The following MUC21 variants were observed in gnomAD, a reference collection of about 807,000 sequenced individuals.
MUC21 encodes mucin-21.
In MUC21, 8 loss-of-function variants were observed where a neutral mutation model predicts 9.1. The ratio of observed to expected loss-of-function variants is 0.88; its 90% CI spans 0.52 to 1.59. The LOEUF is 1.59. Ranked by LOEUF, MUC21 falls within the 40% of genes most tolerant of loss-of-function variation. The probability of loss-of-function intolerance (pLI) is 0.00; values close to 1 mark genes in which losing one functional copy is unlikely to be tolerated. For synonymous variants in MUC21, 189 were observed against 275.2 expected (o/e 0.69, Z 3.10); for missense variants, 478 against 694.2 (o/e 0.69, Z 3.50).
At position 30,983,877 on chromosome 6, in the gene MUC21, C is replaced by A; in HGVS notation, c.-82C>A. On this transcript the variant is annotated 5_prime_UTR_variant, in exon 1 of 3. Coordinates refer to ENST00000376296, the MANE Select transcript of MUC21 (RefSeq NM_001010909.5). Reference sequence around the variant, plus strand: ...CTCTTCACCTTCAAGTCCCCTTTCTCAAGAATCCTCTGTTCTTTGCCCTCT... The same window carrying A: ...CTCTTCACCTTCAAGTCCCCTTTCTAAAGAATCCTCTGTTCTTTGCCCTCT... 2 of 717,624 alleles carry A rather than the reference C, an allele frequency of 2.8e-6. No individual in the cohort carries two copies. The highest frequency in any genetic ancestry group is 5.1e-6 in the Non-Finnish European group (2 of 389,520). 44.5% of individuals were successfully genotyped at this position (717,624 alleles called of 1,614,324 possible).
rs1370840926 is a variant in MUC21 at position 30,989,808 on chromosome 6, T to C, written c.*1614T>C. 6.6e-6 allele frequency: 1 copy of C among 152,254 alleles called. No homozygotes were observed. The highest frequency in any genetic ancestry group is 1.5e-5 in the Non-Finnish European group (1 of 68,056). 9.4% of individuals were successfully genotyped at this position (152,254 alleles called of 1,614,324 possible). On this transcript the variant is annotated 3_prime_UTR_variant, in exon 3 of 3. Coordinates refer to ENST00000376296, the MANE Select transcript of MUC21 (RefSeq NM_001010909.5). ...CTAAAAGCTTACTCTAGAAAGGATA[T>C]TTTTTGGAGAGGGAGTGTGGGAATC...
intron 1 of MUC21, among the ~76,000 whole-genome samples, chr6:30,985,822 C>T (rs1272136314): frequency 6.6e-6 from 1 of 152,096 alleles, no homozygotes; most frequent in African/African-American, 2.4e-5. Flanking sequence ...CTCTTGGCAC[C>T]CAGGCTGGAG....
chr6:30,986,168 A>T, intron 1 of MUC21, 69 bp from the exon 2 acceptor site: 1 of 1,328,100 alleles, frequency 7.5e-7, no homozygotes, highest in Non-Finnish European at 1.0e-6. Flanking sequence ...TTATGTAATG[A>T]ATTTAGCCAA....
rs145395678 is a variant in MUC21 at position 30,983,947 on chromosome 6, A to G, written c.-12A>G. The G allele has an allele frequency of 2.5e-4, 192 of 779,588 alleles. No homozygotes were observed. Among genetic ancestry groups the G allele is most frequent in the Non-Finnish European group, 3.4e-4 (141 of 417,998 alleles). 48.3% of individuals were successfully genotyped at this position (779,588 alleles called of 1,614,324 possible). A position where few individuals can be genotyped will look rare whatever the true frequency, so the allele number is the denominator to read the frequency against. On this transcript the variant is annotated 5_prime_UTR_variant, in exon 1 of 3. Coordinates refer to ENST00000376296, the MANE Select transcript of MUC21 (RefSeq NM_001010909.5). ...GACCCAGGCATCTTGCTTTCCAGCC[A>G]CAAAGAGACAGATGAAGATGCAGAA...
At position 30,987,668 on chromosome 6, in the gene MUC21, T is replaced by C; in HGVS notation, c.1493T>C (p.Leu498Pro). The change falls in exon 2 of 3, where the codon CTC becomes CCC. Residue 498 changes from leucine to proline, a missense_variant. Leu to Pro is a moderately conservative substitution (Grantham distance 98). Transcript: ENST00000376296. ...VVAAVGLFAG[L>P]FFCVRNSLSL... ...GCGGCCGTGGGGCTCTTTGCTGGGC[T>C]CTTCTTCTGTGTGGTGAGTGCCTAA... is the stretch of plus-strand genomic sequence containing the variant. 4.3e-6 allele frequency: 7 copies of C among 1,613,496 alleles called. No homozygotes were observed. The highest frequency in any genetic ancestry group is 5.9e-6 in the Non-Finnish European group (7 of 1,179,876).
chr6:30,987,884 A>G (rs557685653), intron 2 of MUC21, 116 bp from the exon 3 acceptor site: 102 of 1,069,510 alleles, frequency 9.5e-5, no homozygotes, highest in Non-Finnish European at 1.3e-4. Flanking sequence ...GACTGGAGAA[A>G]GGAGAACTAG....
rs373319157 is a variant in MUC21, at chr6:30,986,466, A to C, written c.291A>C (p.Thr97=). 60 of 1,598,092 alleles carry C rather than the reference A, an allele frequency of 3.8e-5. 1 individual carries two copies. In the African/African-American group the frequency reaches 6.9e-4, roughly 18 times the overall value. Residue 97 remains threonine (T), a synonymous_variant, in exon 2 of 3, where the codon ACA becomes ACC. Transcript: ENST00000376296. Reference sequence around the variant, plus strand: ...CAGCCACCAACTCTGAGTTCAGCACAGTGTCCAGTGGGATCAGCATAGCCA... The same window carrying C: ...CAGCCACCAACTCTGAGTTCAGCACCGTGTCCAGTGGGATCAGCATAGCCA... ...ISTATNSEFS[T]VSSGISIATN...
intron 1 of MUC21, among the ~76,000 whole-genome samples, chr6:30,984,440 G>C (rs1230945899): frequency 1.3e-5 from 2 of 152,040 alleles, no homozygotes; most frequent in African/African-American, 2.4e-5. Context: ...GGAGGGTGAG[G>C]CAGGCAGGTC....
intron 1 of MUC21, 47 bp downstream of exon 1, chr6:30,984,066 G>C (rs774264142): frequency 5.1e-6 from 4 of 776,916 alleles, no homozygotes; most frequent in Non-Finnish European, 9.6e-6. Context: ...CCTTTGAGGA[G>C]TTGGGAGAGA....
chr6:30,985,572 C>G (rs1762213017), intron 1 of MUC21, among the ~76,000 whole-genome samples: 1 of 152,140 alleles, frequency 6.6e-6, no homozygotes, highest in African/African-American at 2.4e-5. Flanking sequence ...TCCTATAATT[C>G]TTTTATAATA....
In MUC21 at chr6:30,988,197, A is replaced by G. The variant is rs780746754; in HGVS notation, c.*3A>G. The G allele has an allele frequency of 6.2e-7, 1 of 1,606,022 alleles. No homozygotes were observed. Among genetic ancestry groups the G allele is most frequent in the South Asian group, 1.1e-5 (1 of 90,648 alleles). ...GCGGGAGGAACAGCGGGCCCTGAGC[A>G]GCCCCGGAAGCAAGTGCCGCATTCT... On this transcript the variant is annotated 3_prime_UTR_variant, in exon 3 of 3. Coordinates refer to ENST00000376296, the MANE Select transcript of MUC21 (RefSeq NM_001010909.5).
At chr6:30,987,709 C>G (rs371364424) in intron 2 of MUC21, 28 bp downstream of exon 2, 222 of 1,603,556 alleles carry the variant, frequency 1.4e-4, no homozygotes, top group Non-Finnish European at 1.7e-4. Context: ...AAGAAAATGC[C>G]TGGGGGAAGG....
rs1409986282 is a variant in MUC21 at position 30,986,406 on chromosome 6, C to T, written c.231C>T (p.Asn77=). The T allele has an allele frequency of 1.9e-6, 3 of 1,612,940 alleles. No individual in the cohort carries two copies. The highest frequency in any genetic ancestry group is 2.5e-6 in the Non-Finnish European group (3 of 1,179,518). Residue 77 remains asparagine, a synonymous_variant, in exon 2 of 3, where the codon AAC becomes AAT. Coordinates refer to ENST00000376296, the MANE Select transcript of MUC21 (RefSeq NM_001010909.5). ...CCAATGGGGTCAGCATAGTCACCAA[C>T]TCTGAGTTCCATACAACCTCCAGTG... is the stretch of plus-strand genomic sequence containing the variant. ...VTSNGVSIVT[N]SEFHTTSSGI...
Position 30,988,289 on chromosome 6 carries a change from C to A in MUC21, c.*95C>A. ...TTCATTCATCCCAGGAGACCCCTCC[C>A]AGCTTTGTTTGAGATCCTGAAAATC... is the stretch of plus-strand genomic sequence containing the variant. On this transcript the variant is annotated 3_prime_UTR_variant, in exon 3 of 3. Coordinates refer to ENST00000376296, the MANE Select transcript of MUC21 (RefSeq NM_001010909.5). 1 of 1,222,554 alleles carries A rather than the reference C, an allele frequency of 8.2e-7. No individual in the cohort carries two copies. The highest frequency in any genetic ancestry group is 1.1e-6 in the Non-Finnish European group (1 of 895,932). 75.7% of individuals were successfully genotyped at this position (1,222,554 alleles called of 1,614,324 possible).
chr6:30,983,806 A>T lies in MUC21; in HGVS notation c.-153A>T. The T allele has an allele frequency of 1.8e-6, 1 of 560,630 alleles. No homozygotes were observed. The highest frequency in any genetic ancestry group is 3.2e-6 in the Non-Finnish European group (1 of 314,506). 34.7% of individuals were successfully genotyped at this position (560,630 alleles called of 1,614,324 possible). A position where few individuals can be genotyped will look rare whatever the true frequency, so the allele number is the denominator to read the frequency against. Reference sequence around the variant, plus strand: ...GCCTGAGTCCAAGATTCTTCCCAGGAACACAAACGTAGGAGACCCACGCTC... The same window carrying T: ...GCCTGAGTCCAAGATTCTTCCCAGGTACACAAACGTAGGAGACCCACGCTC... On this transcript the variant is annotated 5_prime_UTR_variant, in exon 1 of 3. Transcript: ENST00000376296.
chr6:30,988,499 T>C lies in MUC21; in HGVS notation c.*305T>C, dbSNP rs1166445371. Reference sequence around the variant, plus strand: ...CAGTTATAGGAGAAAACCTCCATGCTGGACTCCATCTGGCATTCAAAATCT... The same window carrying C: ...CAGTTATAGGAGAAAACCTCCATGCCGGACTCCATCTGGCATTCAAAATCT... On this transcript the variant is annotated 3_prime_UTR_variant, in exon 3 of 3. Coordinates refer to ENST00000376296, the MANE Select transcript of MUC21 (RefSeq NM_001010909.5). 6.0e-6 allele frequency: 2 copies of C among 335,692 alleles called. No individual in the cohort carries two copies. Among genetic ancestry groups the C allele is most frequent in the African/African-American group, 4.2e-5 (2 of 47,116 alleles). 20.8% of individuals were successfully genotyped at this position (335,692 alleles called of 1,614,324 possible).
intron 2 of MUC21, 100 bp from the exon 3 acceptor site, chr6:30,987,900 G>A: frequency 2.8e-6 from 3 of 1,061,750 alleles, no homozygotes; most frequent in Non-Finnish European, 4.3e-6. Flanking sequence ...ACTAGGTAAA[G>A]AGTGTGGTTG....
At chr6:30,985,351 T>C (rs1762205726) in intron 1 of MUC21, among the ~76,000 whole-genome samples, 1 of 152,218 alleles carries the variant, frequency 6.6e-6, no homozygotes, top group South Asian at 2.1e-4. Context: ...TATAGTCACC[T>C]GGCTTCTTGT....
At position 30,986,389 on chromosome 6, in the gene MUC21, G is replaced by T; in HGVS notation, c.214G>T (p.Val72Phe). The change falls in exon 2 of 3, where the codon GTC becomes TTC. Residue 72 changes from valine to phenylalanine, a missense_variant. Physicochemically the swap from Val to Phe is conservative, Grantham distance 50. Around this residue, in one of 5 missense-constraint regions of MUC21, gnomAD observed 110 missense variants for 108.3 expected, o/e 1.02. Coordinates refer to ENST00000376296, the MANE Select transcript of MUC21 (RefSeq NM_001010909.5). ...ISGSSVTSNGVSIVTNSEFHT... is the reference protein window; with the variant it reads ...ISGSSVTSNGFSIVTNSEFHT... ...AGGGTCCAGCGTGACCTCCAATGGGGTCAGCATAGTCACCAACTCTGAGTT... is the reference window on the plus strand; with the variant it reads ...AGGGTCCAGCGTGACCTCCAATGGGTTCAGCATAGTCACCAACTCTGAGTT... 6.2e-7 allele frequency: 1 copy of T among 1,612,412 alleles called. No individual in the cohort carries two copies. The highest frequency in any genetic ancestry group is 8.5e-7 in the Non-Finnish European group (1 of 1,179,276).
Sources: allele counts gnomAD v4.1 joint callset (sites outside exome capture counted in the v4.1 genomes callset), GRCh38; gene constraint gnomAD v4.1.1; regional missense constraint gnomAD v4.1.1; transcripts MANE v1.5; gene names NCBI Gene and HGNC (gene_info 2026-07-23, HGNC 2026-07-21).